The following THRB variants were observed in gnomAD, a reference collection of about 807,000 sequenced individuals.
THRB encodes the protein nuclear receptor subfamily 1 group A member 2.
In THRB, 12 loss-of-function variants were observed where a neutral mutation model predicts 47.8. That is an observed-to-expected ratio of 0.25 (90% CI 0.16 to 0.41). The LOEUF (loss-of-function observed/expected upper bound fraction) is 0.41. Ranked by LOEUF, THRB falls within the 10% of genes least tolerant of loss-of-function variation. The pLI, the probability that THRB is intolerant of heterozygous loss-of-function variation, is 1.00. For synonymous variants in THRB, 218 were observed against 212.2 expected (o/e 1.03, Z -0.24); for missense variants, 348 against 589.2 (o/e 0.59, Z 4.24).
rs973067238 is a variant in THRB at position 24,241,583 on chromosome 3, G to A, written c.-42-12582C>T. Among the ~76,000 whole-genome samples, 7 of 152,158 alleles carry A rather than the reference G, an allele frequency of 4.6e-5. 1 individual carries two copies. The highest frequency in any genetic ancestry group is 1.3e-4 in the Admixed American group (2 of 15,268). On this transcript the variant is annotated intron_variant, in intron 3 of 10. Transcript: ENST00000646209. Reference sequence around the variant, plus strand: ...GGCCAGTGTGATCTATCCAAAGCACGTTGCCAATTAACACTCATTAGCTAG... The same window carrying A: ...GGCCAGTGTGATCTATCCAAAGCACATTGCCAATTAACACTCATTAGCTAG...
chr3:24,153,349 A>C (rs1488418471), intron 5 of THRB, among the ~76,000 whole-genome samples: 1 of 152,096 alleles, frequency 6.6e-6, no homozygotes, highest in Non-Finnish European at 1.5e-5. Flanking sequence ...CCTCCAGTGT[A>C]ATATGCTGGT....
chr3:24,170,346 C>CCTAA (rs1223239949), intron 5 of THRB, among the ~76,000 whole-genome samples: 1 of 152,206 alleles, frequency 6.6e-6, no homozygotes, highest in Non-Finnish European at 1.5e-5. Context: ...ATCATCATCT[C>CCTAA]CTAACTGGAC....
chr3:24,207,254 C>T (rs866052248), intron 4 of THRB, among the ~76,000 whole-genome samples: 6 of 152,140 alleles, frequency 3.9e-5, no homozygotes, highest in Non-Finnish European at 5.9e-5. Context: ...CAATAAAATA[C>T]GGGCAAACTG....
intron 3 of THRB, among the ~76,000 whole-genome samples, chr3:24,270,451 A>G (rs2053205625): frequency 2.0e-5 from 3 of 152,350 alleles, no homozygotes; most frequent in African/African-American, 7.2e-5. Flanking sequence ...AAAGAGATCC[A>G]TGTTGCCATT....
chr3:24,233,251 G>A (rs567275812), intron 3 of THRB, among the ~76,000 whole-genome samples: 1 of 152,202 alleles, frequency 6.6e-6, no homozygotes, highest in East Asian at 1.9e-4. Flanking sequence ...ACTTTGGAAG[G>A]CCTTGGGTTC....
chr3:24,230,483 T>C (rs1187218433), intron 3 of THRB, among the ~76,000 whole-genome samples: 1 of 152,190 alleles, frequency 6.6e-6, no homozygotes, highest in African/African-American at 2.4e-5. Context: ...GAAAATGCAT[T>C]CTTGCCTCTG....
intron 2 of THRB, among the ~76,000 whole-genome samples, chr3:24,334,536 C>T (rs2062118217): frequency 6.6e-6 from 1 of 152,194 alleles, no homozygotes; most frequent in African/African-American, 2.4e-5. Context: ...TTTGGGATCC[C>T]CGCAGGATGG....
chr3:24,140,550 T>C (rs941660303), intron 8 of THRB, among the ~76,000 whole-genome samples: 19 of 152,150 alleles, frequency 1.2e-4, no homozygotes, highest in Non-Finnish European at 2.4e-4. Context: ...TCAGAGTAGT[T>C]GGACCTTTAT....
intron 4 of THRB, among the ~76,000 whole-genome samples, chr3:24,192,654 G>C (rs1012993710): frequency 2.0e-5 from 3 of 152,134 alleles, no homozygotes; most frequent in African/African-American, 7.2e-5. Context: ...GCCCCTTAAA[G>C]TGCAGCCTAT....
chr3:24,335,222 A>G (rs2062170801), intron 2 of THRB, among the ~76,000 whole-genome samples: 1 of 152,204 alleles, frequency 6.6e-6, no homozygotes, highest in Non-Finnish European at 1.5e-5. Context: ...GGTCAGCGGA[A>G]TCAAATATTG....
chr3:24,175,406 AGACCAAAGGCAAATCATAAAGTCTTCTT>A (rs1312718626), intron 5 of THRB, among the ~76,000 whole-genome samples: 1 of 152,222 alleles, frequency 6.6e-6, no homozygotes, highest in East Asian at 1.9e-4. Context: ...TTTCCCAAGA[AGACCAAAGGCAAATCATAAAGTCTTCTT>A]GTGCTTTGAG....
intron 7 of THRB, among the ~76,000 whole-genome samples, chr3:24,145,699 C>T (rs1270968190): frequency 6.6e-6 from 1 of 152,178 alleles, no homozygotes; most frequent in Non-Finnish European, 1.5e-5. Flanking sequence ...CAAACCAGAA[C>T]ATTTCACAGA....
At chr3:24,134,268 C>T (rs540664893) in intron 8 of THRB, among the ~76,000 whole-genome samples, 3 of 152,108 alleles carry the variant, frequency 2.0e-5, no homozygotes, top group African/African-American at 4.8e-5. Context: ...TGCTTCCCAA[C>T]GTCCACAGTA....
At chr3:24,359,052 C>A (rs2063888660) in intron 1 of THRB, among the ~76,000 whole-genome samples, 1 of 152,152 alleles carries the variant, frequency 6.6e-6, no homozygotes, top group Admixed American at 6.5e-5. Context: ...GAAGCAACAC[C>A]ATGCCACCCC....
In THRB at chr3:24,338,441, T is replaced by C. The variant is rs546996311; in HGVS notation, c.-260-1070A>G. On this transcript the variant is annotated intron_variant, in intron 1 of 10. Coordinates refer to ENST00000646209, the MANE Select transcript of THRB (RefSeq NM_001354712.2). ...TGAATCTCTGTTTGTGTATCTTTTG[T>C]TCTACACTTTTGACTCAATATGATG... Among the ~76,000 whole-genome samples the C allele has an allele frequency of 8.5e-5, 13 of 152,372 alleles. No homozygotes were observed. The South Asian group carries it at 2.7e-3, about 32-fold the overall frequency.
intron 4 of THRB, among the ~76,000 whole-genome samples, chr3:24,203,892 C>G (rs111343540): frequency 1.3e-5 from 2 of 152,232 alleles, no homozygotes; most frequent in African/African-American, 4.8e-5. Flanking sequence ...CCCACGCCCA[C>G]GGAGCCTTGC....
At chr3:24,479,277 G>A (rs952259476) in intron 1 of THRB, among the ~76,000 whole-genome samples, 5 of 152,224 alleles carry the variant, frequency 3.3e-5, no homozygotes, top group Non-Finnish European at 7.4e-5. Context: ...ACTCCAGTCT[G>A]GGGGACAGAG....
rs562936138 is a variant in THRB at position 24,125,797 on chromosome 3, T to C, written c.1144+1702A>G. 2.0e-5 allele frequency among the ~76,000 whole-genome samples: 3 copies of C among 152,230 alleles called. No individual in the cohort carries two copies. The South Asian group carries it at 6.2e-4, about 32-fold the overall frequency. On this transcript the variant is annotated intron_variant, in intron 10 of 10. Coordinates refer to ENST00000646209, the MANE Select transcript of THRB (RefSeq NM_001354712.2). ...GCCAGCAAGAGGGAATCTTAGATTA[T>C]GTAATGTAATCACAAGGGGTGACAT... is the stretch of plus-strand genomic sequence containing the variant.
chr3:24,406,796 C>A (rs2150134376), intron 1 of THRB, among the ~76,000 whole-genome samples: 1 of 151,932 alleles, frequency 6.6e-6, no homozygotes, highest in African/African-American at 2.4e-5. Flanking sequence ...CACAATCATG[C>A]AGTTGAAAAC....
Sources: gnomAD v4.1 joint callset for allele counts (sites outside exome capture counted in the v4.1 genomes callset) on GRCh38, gnomAD v4.1.1 for gene constraint, MANE v1.5 for transcripts, NCBI Gene and HGNC (gene_info 2026-07-23, HGNC 2026-07-21) for gene names.